Variants in VWF observed in about 807,000 individuals in gnomAD.
VWF encodes the protein Factor VIII related antigen.
A neutral mutation model predicts 308.6 loss-of-function variants in VWF; 176 were observed. The observed-to-expected ratio is 0.57, with a 90% CI of 0.50 to 0.65. The LOEUF (loss-of-function observed/expected upper bound fraction) is 0.65, where lower values mean the gene tolerates loss of function less well. VWF is among the 30% of genes least tolerant of loss of function. The probability of loss-of-function intolerance (pLI) is 0.00; values close to 1 mark genes in which losing one functional copy is unlikely to be tolerated. For synonymous variants in VWF, 1,385 were observed against 1,443.4 expected (o/e 0.96, Z 0.92); for missense variants, 3,146 against 3,648.2 (o/e 0.86, Z 3.55).
chr12:5,971,676 A>G lies in VWF; in HGVS notation c.7471T>C (p.Cys2491Arg). Residue 2491 changes from cysteine (C) to arginine (R), a missense_variant, in exon 44 of 52, where the codon TGT becomes CGT. Physicochemically the swap from Cys to Arg is radical, Grantham distance 180. This residue lies in a region of VWF where 989 missense variants were observed against 1,117.4 expected (regional missense o/e 0.89). Transcript: ENST00000261405. The stretch of plus-strand genomic sequence containing the variant: ...CAGGCAGATGGCAGGCACCTTCCAC[A>G]GCACTCGCCTTCATGCAGAACGTAA... ...FTYVLHEGEC[C>R]GRCLPSACEV... The G allele has an allele frequency of 6.2e-7, 1 of 1,614,230 alleles. No individual in the cohort carries two copies. The highest frequency in any genetic ancestry group is 1.1e-5 in the South Asian group (1 of 91,088).
At chr12:5,951,817 G>A in intron 50 of VWF, 27 bp downstream of exon 50, 1 of 1,614,050 alleles carries the variant, frequency 6.2e-7, no homozygotes, top group East Asian at 2.2e-5. Flanking sequence ...TGGGTTTCAA[G>A]GGACAAGATA....
chr12:6,021,924 C>G lies in VWF; in HGVS notation c.3650G>C (p.Ser1217Thr). Residue 1217 changes from serine (S) to threonine (T), a missense_variant, in exon 27 of 52, where the codon AGT (serine) becomes ACT (threonine). Ser to Thr is a moderately conservative substitution (Grantham distance 58). Coordinates refer to ENST00000261405, the MANE Select transcript of VWF (RefSeq NM_000552.5). Reference protein sequence around the residue: ...ASGKKVTLNPSDPEHCQICHC... With the variant: ...ASGKKVTLNPTDPEHCQICHC... ...CCAAATCTGGCAGTGCTCAGGGTCA[C>G]TGGGATTCAAGGTGACTTTCTTTCC... The G allele has an allele frequency of 6.2e-7, 1 of 1,614,202 alleles. No individual in the cohort carries two copies. The highest frequency in any genetic ancestry group is 1.1e-5 in the South Asian group (1 of 91,082).
chr12:5,991,207 G>A (rs10849374), intron 38 of VWF, among the ~76,000 whole-genome samples: 26,625 of 83,278 alleles, frequency 0.32, 2,528 homozygotes, highest in East Asian at 0.47. Context: ...ACACACACAC[G>A]CATGCACACA....
At position 6,031,546 on chromosome 12, in the gene VWF, C is replaced by A. The variant is rs774219233; in HGVS notation, c.2718G>T (p.Arg906=). The change falls in exon 21 of 52, where the codon CGG becomes CGT. Residue 906 remains arginine (R), a synonymous_variant. Coordinates refer to ENST00000261405, the MANE Select transcript of VWF (RefSeq NM_000552.5). ...DYCGSNPGTF[R]ILVGNKGCSH... is the part of the protein sequence containing the mutation. ...TGCATCCCTTATTCCCCACTAGGAT[C>A]CGAAAGGTCCCAGGGTTACTGCCGC... is the stretch of plus-strand genomic sequence containing the variant. 3.1e-6 allele frequency: 5 copies of A among 1,614,098 alleles called. No individual in the cohort carries two copies. Among genetic ancestry groups the A allele is most frequent in the Non-Finnish European group, 4.2e-6 (5 of 1,180,006 alleles).
intron 2 of VWF, 156 bp downstream of exon 2, chr12:6,122,986 T>C (rs779420095): frequency 3.4e-6 from 3 of 894,226 alleles, no homozygotes; most frequent in Non-Finnish European, 3.8e-6. Context: ...AAGTCAAGGG[T>C]GGGAACTCCG....
chr12:5,995,124 T>G (rs966990629), intron 35 of VWF, among the ~76,000 whole-genome samples: 11 of 152,172 alleles, frequency 7.2e-5, no homozygotes, highest in African/African-American at 2.4e-4. Context: ...CCAAGACAAT[T>G]CCTCTTCCAG....
intron 40 of VWF, among the ~76,000 whole-genome samples, 174 bp from the exon 41 acceptor site, chr12:5,983,428 T>TAGATAGATAGAC (rs1943632290): frequency 6.6e-6 from 1 of 151,910 alleles, no homozygotes; most frequent in Non-Finnish European, 1.5e-5. Flanking sequence ...GATAGATAGA[T>TAGATAGATAGAC]AGATAGAATG....
Position 6,068,480 on chromosome 12 carries a change from T to C in VWF, c.1156+2817A>G, listed in dbSNP as rs560860926. Among the ~76,000 whole-genome samples, 19 of 152,258 alleles carry C rather than the reference T, an allele frequency of 1.2e-4. 1 individual carries two copies. In the South Asian group the frequency reaches 3.7e-3, roughly 30 times the overall value. On this transcript the variant is annotated intron_variant, in intron 10 of 51. Coordinates refer to ENST00000261405, the MANE Select transcript of VWF (RefSeq NM_000552.5). ...CAAATGTGCAAGATGCATTTCTTTT[T>C]TTTTTTCCTGAGACAGTCTCGCTCT...
Position 6,064,401 on chromosome 12 carries a change from CAG to C in VWF, c.1294-19_1294-18del, listed in dbSNP as rs781379343. 8 of 1,613,808 alleles carry C rather than the reference CAG, an allele frequency of 5.0e-6. No homozygotes were observed. The Admixed American group carries it at 5.0e-5, about 10-fold the overall frequency. ...ATCAGCACACTGCCAAGAGGGAACA[CAG>C]GGTGACTTTGCTGCACCCCCTGCCT... On this transcript the variant is annotated intron_variant, in intron 11 of 51. Coordinates refer to ENST00000261405, the MANE Select transcript of VWF (RefSeq NM_000552.5).
intron 6 of VWF, 125 bp downstream of exon 6, chr12:6,095,335 G>T: frequency 6.9e-7 from 1 of 1,459,190 alleles, no homozygotes; most frequent in Non-Finnish European, 9.6e-7. Flanking sequence ...AGTTAGTTTT[G>T]GAGGAAATGG....
intron 36 of VWF, 32 bp downstream of exon 36, chr12:5,994,383 G>T (rs759144911): frequency 6.2e-7 from 1 of 1,612,144 alleles, no homozygotes; most frequent in South Asian, 1.1e-5. Context: ...TGTATAGCAG[G>T]GGGAGAAGAG....
intron 6 of VWF, among the ~76,000 whole-genome samples, chr12:6,092,622 T>TGAGAGAGAGAGAGAGAGAGAGA (rs1403649370): frequency 9.8e-5 from 9 of 91,524 alleles, no homozygotes; most frequent in African/African-American, 3.7e-4. Context: ...AGTGAGAGTG[T>TGAGAGAGAGAGAGAGAGAGAGA]GTGTGTGTGT....
chr12:5,996,138 A>T lies in VWF; in HGVS notation c.5927T>A (p.Leu1976Gln). Reference protein sequence around the residue: ...FKLTGSCSYVLFQNKEQDLEV... With the variant: ...FKLTGSCSYVQFQNKEQDLEV... The stretch of plus-strand genomic sequence containing the variant: ...CAGGTCCTGCTCCTTGTTTTGAAAT[A>T]GGACATAAGAACAGCTGCCAGTCAG... Residue 1976 changes from leucine to glutamine, a missense_variant, in exon 35 of 52, where the codon CTA (leucine) becomes CAA (glutamine). By Grantham distance (113) the Leu-to-Gln change is moderately radical. Around this residue, in one of 3 missense-constraint regions of VWF, gnomAD observed 989 missense variants for 1,117.4 expected, o/e 0.89. Coordinates refer to ENST00000261405, the MANE Select transcript of VWF (RefSeq NM_000552.5). The T allele has an allele frequency of 1.1e-5, 17 of 1,614,156 alleles. No homozygotes were observed. Among genetic ancestry groups the T allele is most frequent in the Non-Finnish European group, 1.4e-5 (17 of 1,180,028 alleles).
At chr12:6,061,006 GC>G (rs1295984109) in intron 13 of VWF, among the ~76,000 whole-genome samples, 5 of 152,178 alleles carry the variant, frequency 3.3e-5, no homozygotes, top group Admixed American at 2.6e-4. Context: ...TTCAAGACCA[GC>G]CTGGCCAACA....
At chr12:5,970,882 C>T (rs1177638406) in intron 44 of VWF, among the ~76,000 whole-genome samples, 1 of 152,224 alleles carries the variant, frequency 6.6e-6, no homozygotes, top group Non-Finnish European at 1.5e-5. Flanking sequence ...TCCTTCTGAC[C>T]AGACTGAAAG....
At chr12:6,033,636 G>A (rs180811748) in intron 20 of VWF, among the ~76,000 whole-genome samples, 1 of 152,370 alleles carries the variant, frequency 6.6e-6, no homozygotes, top group East Asian at 1.9e-4. Context: ...TCCCTGCCTG[G>A]TCTGCATGCC....
chr12:6,060,173 G>A lies in VWF; in HGVS notation c.1534-2129C>T, dbSNP rs1354482837. 1.3e-5 allele frequency among the ~76,000 whole-genome samples: 2 copies of A among 152,022 alleles called. No homozygotes were observed. Among genetic ancestry groups the A allele is most frequent in the Non-Finnish European group, 2.9e-5 (2 of 68,012 alleles). The stretch of plus-strand genomic sequence containing the variant: ...ACTCACTATTTGAAATAAACCTCTG[G>A]TCAGTGACAGTTCTGACTAAATGAA... On this transcript the variant is annotated intron_variant, in intron 13 of 51. Coordinates refer to ENST00000261405, the MANE Select transcript of VWF (RefSeq NM_000552.5). The surrounding 1 kb of genome is among the most constrained non-coding windows in gnomAD (Gnocchi z 5.1).
chr12:6,123,262 C>A (rs71582880), intron 1 of VWF, 66 bp from the exon 2 acceptor site: 9 of 1,567,772 alleles, frequency 5.7e-6, no homozygotes, highest in Non-Finnish European at 7.9e-6. Flanking sequence ...GGTGTGGCGA[C>A]TATCAGGGCA....
intron 16 of VWF, among the ~76,000 whole-genome samples, chr12:6,049,149 C>A (rs1044719054): frequency 3.3e-5 from 5 of 152,244 alleles, no homozygotes; most frequent in African/African-American, 1.2e-4. Flanking sequence ...CCACCACTAG[C>A]ACCTGCTCCA....
Sources: gnomAD v4.1 joint callset for allele counts (sites outside exome capture counted in the v4.1 genomes callset) on GRCh38, gnomAD v4.1.1 for gene constraint, gnomAD v4.1.1 regional missense constraint, Gnocchi (gnomAD v3.1) non-coding constraint, MANE v1.5 for transcripts, NCBI Gene and HGNC (gene_info 2026-07-23, HGNC 2026-07-21) for gene names.